Variants in SNX3 observed in about 807,000 individuals in gnomAD.
SNX3 encodes sorting nexin 3.
Under a neutral mutation model 17.7 loss-of-function variants are expected in SNX3, and 5 were observed. The observed-to-expected ratio is 0.28, with a 90% CI of 0.15 to 0.59. SNX3 has a LOEUF of 0.59. Among genes scored for constraint, SNX3 ranks in the 20% least tolerant of loss-of-function variants. The probability of loss-of-function intolerance (pLI) is 0.88; values close to 1 mark genes in which losing one functional copy is unlikely to be tolerated. For synonymous variants in SNX3, 91 were observed against 76.5 expected (o/e 1.19, Z -0.99); for missense variants, 132 against 206.8 (o/e 0.64, Z 2.22).
At chr6:108,212,300 G>A (rs1582463213) in intron 3 of SNX3, 46 bp from the exon 4 acceptor site, 1 of 1,314,100 alleles carries the variant, frequency 7.6e-7, no homozygotes. Context: ...TATACAAGGT[G>A]GGGGAGTTCA....
intron 2 of SNX3, among the ~76,000 whole-genome samples, chr6:108,215,951 T>C (rs1406418301): frequency 6.6e-6 from 1 of 152,098 alleles, no homozygotes; most frequent in Admixed American, 6.6e-5. Context: ...TTTTTAAAAA[T>C]GTTATTCTGG....
intron 1 of SNX3, among the ~76,000 whole-genome samples, chr6:108,233,019 A>G (rs1055463782): frequency 6.6e-6 from 1 of 152,234 alleles, no homozygotes; most frequent in African/African-American, 2.4e-5. Context: ...AAAAATAAGG[A>G]CATGCCTTCC....
chr6:108,238,073 G>A (rs1775402811), intron 1 of SNX3, among the ~76,000 whole-genome samples: 2 of 135,300 alleles, frequency 1.5e-5, no homozygotes, highest in Non-Finnish European at 3.0e-5. Context: ...CTGCACTCCA[G>A]CCTGGGCAAC....
At chr6:108,259,323 T>C (rs1776120274) in intron 1 of SNX3, among the ~76,000 whole-genome samples, 1 of 152,186 alleles carries the variant, frequency 6.6e-6, no homozygotes, top group South Asian at 2.1e-4. Flanking sequence ...AACCTCTGCC[T>C]CCCCAGTTCA....
intron 1 of SNX3, among the ~76,000 whole-genome samples, chr6:108,228,501 G>C (rs1406600749): frequency 6.6e-6 from 1 of 151,802 alleles, no homozygotes; most frequent in African/African-American, 2.4e-5. Context: ...AACCAAGATT[G>C]CGCCACTGCA....
chr6:108,223,611 C>A (rs1056164329), intron 1 of SNX3, among the ~76,000 whole-genome samples: 1 of 148,402 alleles, frequency 6.7e-6, no homozygotes, highest in Non-Finnish European at 1.5e-5. Context: ...GATTCTCCTG[C>A]CTCAGCCTCC....
In SNX3 at chr6:108,223,954, G is replaced by A. The variant is rs17069394; in HGVS notation, c.163-909C>T. Among the ~76,000 whole-genome samples the A allele has an allele frequency of 6.4e-3, 979 of 152,108 alleles. 11 individuals are homozygous for A. Among genetic ancestry groups the A allele is most frequent in the African/African-American group, 0.023 (941 of 41,484 alleles). On this transcript the variant is annotated intron_variant, in intron 1 of 3. Transcript: ENST00000230085. ...GCTTTAAAAATGTCAACTAAGCAGG[G>A]GTGAAAAAAGGCTAGCTCTTGACTA...
At chr6:108,250,699 C>T (rs1443199270) in intron 1 of SNX3, among the ~76,000 whole-genome samples, 1 of 152,074 alleles carries the variant, frequency 6.6e-6, no homozygotes, top group African/African-American at 2.4e-5. Context: ...TCAATATGGA[C>T]GAGACTTATA....
intron 1 of SNX3, among the ~76,000 whole-genome samples, chr6:108,230,153 T>C (rs1444169422): frequency 6.6e-6 from 1 of 151,990 alleles, no homozygotes; most frequent in Non-Finnish European, 1.5e-5. Context: ...GAAAGAATGC[T>C]GAATTCTGAA....
chr6:108,215,920 C>A (rs1774558742), intron 2 of SNX3, among the ~76,000 whole-genome samples: 3 of 151,956 alleles, frequency 2.0e-5, no homozygotes, highest in South Asian at 4.2e-4. Flanking sequence ...CAGCGAGACC[C>A]CGTCTTAAAA....
chr6:108,226,892 G>A (rs1774987836), intron 1 of SNX3, among the ~76,000 whole-genome samples: 1 of 152,124 alleles, frequency 6.6e-6, no homozygotes, highest in African/African-American at 2.4e-5. Flanking sequence ...AGATTTAAAA[G>A]CACTTGAATT....
chr6:108,236,160 T>C (rs1422691745), intron 1 of SNX3, among the ~76,000 whole-genome samples: 2 of 151,892 alleles, frequency 1.3e-5, no homozygotes, highest in African/African-American at 4.8e-5. Context: ...CTACAATAAA[T>C]AACTTAATAA....
At chr6:108,227,534 G>A (rs1266053072) in intron 1 of SNX3, among the ~76,000 whole-genome samples, 3 of 152,160 alleles carry the variant, frequency 2.0e-5, no homozygotes, top group Non-Finnish European at 4.4e-5. Flanking sequence ...AGGGGGAAAA[G>A]TACTTTCCCT....
At chr6:108,226,702 T>C (rs1237105612) in intron 1 of SNX3, among the ~76,000 whole-genome samples, 1 of 152,240 alleles carries the variant, frequency 6.6e-6, no homozygotes, top group Non-Finnish European at 1.5e-5. Flanking sequence ...GGTAAGTAGC[T>C]GTCACTCAGC....
At chr6:108,246,160 C>T (rs1401014871) in intron 1 of SNX3, among the ~76,000 whole-genome samples, 1 of 151,906 alleles carries the variant, frequency 6.6e-6, no homozygotes, top group Non-Finnish European at 1.5e-5. Context: ...CTACATATGG[C>T]TAGCCAGTTT....
intron 1 of SNX3, among the ~76,000 whole-genome samples, chr6:108,254,146 G>A (rs1775961810): frequency 6.8e-6 from 1 of 147,902 alleles, no homozygotes; most frequent in African/African-American, 2.5e-5. Context: ...AAAAAAAACC[G>A]CCACTGCCCA....
intron 1 of SNX3, among the ~76,000 whole-genome samples, chr6:108,251,464 G>C (rs946307147): frequency 6.6e-6 from 1 of 152,124 alleles, no homozygotes. Context: ...TTGTAGCTAA[G>C]TACAGCAATG....
At chr6:108,223,813 A>G (rs1039005158) in intron 1 of SNX3, among the ~76,000 whole-genome samples, 1 of 152,098 alleles carries the variant, frequency 6.6e-6, no homozygotes, top group Non-Finnish European at 1.5e-5. Flanking sequence ...TAGTTCTTTA[A>G]AAGTATTTAC....
intron 1 of SNX3, among the ~76,000 whole-genome samples, chr6:108,246,313 CTTTTTTTTTTTTT>C (rs71015538): frequency 3.8e-4 from 18 of 47,984 alleles, no homozygotes; most frequent in East Asian, 7.7e-4. Context: ...TTTGAGCATT[CTTTTTTTTTTTTT>C]TTTTTTTTTT....
Sources: gnomAD v4.1 joint callset for allele counts (sites outside exome capture counted in the v4.1 genomes callset) on GRCh38, gnomAD v4.1.1 for gene constraint, MANE v1.5 for transcripts, NCBI Gene and HGNC (gene_info 2026-07-23, HGNC 2026-07-21) for gene names.